ZNF385D: variants seen among roughly 807,000 people sequenced by gnomAD.
ZNF385D encodes zinc finger protein 385D.
In ZNF385D, 15 loss-of-function variants were observed where a neutral mutation model predicts 35.8. That is an observed-to-expected ratio of 0.42 (90% CI 0.28 to 0.64). The LOEUF is 0.64. Ranked by LOEUF, ZNF385D falls within the 30% of genes least tolerant of loss-of-function variation. The pLI is 0.23. For missense variants in ZNF385D, 474 were observed against 494.6 expected, an observed-to-expected ratio of 0.96 and a Z score of 0.39; for synonymous variants, 212 against 186.8, an observed-to-expected ratio of 1.13 and a Z score of -1.10.
chr3:21,830,021 G>A (rs1413354818), intron 3 of ZNF385D, among the ~76,000 whole-genome samples: 2 of 152,012 alleles, frequency 1.3e-5, no homozygotes, highest in Admixed American at 6.5e-5. Context: ...CTGCTCGGGA[G>A]GCTGAGGCAG....
At chr3:21,884,569 A>T (rs931758426) in intron 3 of ZNF385D, among the ~76,000 whole-genome samples, 4 of 152,062 alleles carry the variant, frequency 2.6e-5, no homozygotes, top group Non-Finnish European at 5.9e-5. Context: ...CAACATTAAA[A>T]AATTAATTAC....
Position 22,166,018 on chromosome 3 carries a change from G to C in ZNF385D, c.325+2799C>G, listed in dbSNP as rs79920769. Among the ~76,000 whole-genome samples, 1,024 of 139,272 alleles carry C rather than the reference G, an allele frequency of 7.4e-3. 10 individuals carry two copies. Among genetic ancestry groups the C allele is most frequent in the African/African-American group, 0.023 (953 of 40,664 alleles). The allele number at this position is 139,272 out of a possible 152,430, so 91.4% of individuals were successfully genotyped here. ...AATGTGATTGACACTTTTGGCTCCA[G>C]GATCTCCCCTAATTCCTAGTCACCA... On this transcript the variant is annotated intron_variant, in intron 3 of 5. Transcript: ENST00000494108.
chr3:22,240,417 T>C (rs542267093), intron 2 of ZNF385D, among the ~76,000 whole-genome samples: 2 of 150,956 alleles, frequency 1.3e-5, no homozygotes, highest in Non-Finnish European at 1.5e-5. Flanking sequence ...TGTTAATTAT[T>C]TTCTCATCAG....
intron 2 of ZNF385D, among the ~76,000 whole-genome samples, chr3:22,214,072 C>G (rs2638128): frequency 0.13 from 19,587 of 151,898 alleles, 1,338 homozygotes; most frequent in Middle Eastern, 0.19. Context: ...TCAGGGACTT[C>G]GAACGGAGGG....
chr3:21,716,589 C>T (rs938931947), intron 1 of ZNF385D, among the ~76,000 whole-genome samples: 3 of 152,114 alleles, frequency 2.0e-5, no homozygotes, highest in African/African-American at 4.8e-5. Context: ...CTTGATTTCT[C>T]GGCTTCTTAA....
intron 2 of ZNF385D, among the ~76,000 whole-genome samples, chr3:22,252,389 G>T (rs1360983516): frequency 6.6e-6 from 1 of 151,970 alleles, no homozygotes; most frequent in Non-Finnish European, 1.5e-5. Context: ...CCAACAGAAA[G>T]ATACTTAAGA....
chr3:21,927,645 G>A (rs1013997364), intron 3 of ZNF385D, among the ~76,000 whole-genome samples: 1 of 152,116 alleles, frequency 6.6e-6, no homozygotes, highest in Non-Finnish European at 1.5e-5. Context: ...TTAAGCAAAG[G>A]TTTGCTATGC....
At chr3:21,536,361 C>G (rs1414622046) in intron 3 of ZNF385D, among the ~76,000 whole-genome samples, 5 of 152,004 alleles carry the variant, frequency 3.3e-5, no homozygotes, top group Admixed American at 2.0e-4. Flanking sequence ...CATTCCTTTA[C>G]CAAGAATGAA....
chr3:22,336,321 T>G (rs1695158458), intron 2 of ZNF385D, among the ~76,000 whole-genome samples: 1 of 152,186 alleles, frequency 6.6e-6, no homozygotes, highest in Admixed American at 6.5e-5. Flanking sequence ...TATTGCAACT[T>G]GTACAATACC....
intron 3 of ZNF385D, among the ~76,000 whole-genome samples, chr3:22,164,311 C>T (rs1371842703): frequency 6.7e-6 from 1 of 148,230 alleles, no homozygotes; most frequent in African/African-American, 2.5e-5. Flanking sequence ...TCACTGCAAC[C>T]TCTGCCTCCC....
chr3:22,040,736 G>A (rs1308889673), intron 3 of ZNF385D, among the ~76,000 whole-genome samples: 2 of 152,084 alleles, frequency 1.3e-5, no homozygotes, highest in African/African-American at 2.4e-5. Context: ...TATTCAATTT[G>A]CTGATGCTGC....
chr3:22,328,937 C>T (rs919050379), intron 2 of ZNF385D, among the ~76,000 whole-genome samples: 1 of 151,742 alleles, frequency 6.6e-6, no homozygotes, highest in Admixed American at 6.6e-5. Context: ...ATTAGCTGGG[C>T]GTGGTAGCGG....
At chr3:22,075,270 C>G (rs534094044) in intron 3 of ZNF385D, among the ~76,000 whole-genome samples, 16 of 151,994 alleles carry the variant, frequency 1.1e-4, no homozygotes, top group Admixed American at 1.1e-3. Flanking sequence ...ACTCTAATCA[C>G]TTAACTTAAA....
intron 3 of ZNF385D, among the ~76,000 whole-genome samples, chr3:21,840,270 GAAAC>G (rs770803949): frequency 1.7e-4 from 26 of 151,970 alleles, no homozygotes; most frequent in Non-Finnish European, 3.7e-4. Context: ...AACCCTCACA[GAAAC>G]AAACAATTAA....
chr3:21,437,252 C>A (rs772203509), intron 4 of ZNF385D, 49 bp from the exon 5 acceptor site: 45 of 1,512,288 alleles, frequency 3.0e-5, no homozygotes. Flanking sequence ...ATGGTATTAT[C>A]TTTCCCTATT....
intron 3 of ZNF385D, among the ~76,000 whole-genome samples, chr3:21,776,191 A>C (rs1354104601): frequency 1.3e-5 from 2 of 151,864 alleles, no homozygotes; most frequent in East Asian, 1.9e-4. Flanking sequence ...ATATTTTCCA[A>C]ATTTTCATTG....
intron 1 of ZNF385D, among the ~76,000 whole-genome samples, chr3:21,711,103 G>A (rs1474319301): frequency 1.5e-4 from 20 of 130,198 alleles, no homozygotes; most frequent in Non-Finnish European, 2.3e-4. Context: ...GTGCAGTGGC[G>A]TGATCTCGGC....
intron 1 of ZNF385D, among the ~76,000 whole-genome samples, chr3:21,710,843 T>C (rs5008754): frequency 0.47 from 70,969 of 151,750 alleles, 17,439 homozygotes; most frequent in African/African-American, 0.62. Context: ...GGCTGATTAA[T>C]TGATCCACAG....
intron 3 of ZNF385D, among the ~76,000 whole-genome samples, chr3:21,816,708 T>C (rs572327816): frequency 6.6e-6 from 1 of 152,274 alleles, no homozygotes; most frequent in East Asian, 1.9e-4. Flanking sequence ...TGGAAGAACA[T>C]TCCATGCTCA....
Sources: allele counts gnomAD v4.1 joint callset (sites outside exome capture counted in the v4.1 genomes callset), GRCh38; gene constraint gnomAD v4.1.1; transcripts MANE v1.5; gene names NCBI Gene and HGNC (gene_info 2026-07-23, HGNC 2026-07-21).